The following SERPINI2 variants were observed in gnomAD, a reference collection of about 807,000 sequenced individuals.
SERPINI2 encodes serpin I2.
SERPINI2 carries 48 observed loss-of-function variants against 47.3 expected under a neutral mutation model. The ratio of observed to expected loss-of-function variants is 1.02; its 90% CI spans 0.81 to 1.29. The LOEUF is 1.29. Ranked by LOEUF, SERPINI2 falls within the 50% of genes most tolerant of loss-of-function variation. SERPINI2 has a pLI of 0.00. For missense variants in SERPINI2, 448 were observed against 456.9 expected, an observed-to-expected ratio of 0.98 and a Z score of 0.18; for synonymous variants, 135 against 149.3, an observed-to-expected ratio of 0.90 and a Z score of 0.70.
At chr3:167,459,316 C>G (rs1487330492) in intron 5 of SERPINI2, among the ~76,000 whole-genome samples, 1 of 151,870 alleles carries the variant, frequency 6.6e-6, no homozygotes, top group Non-Finnish European at 1.5e-5. Flanking sequence ...CCTCGTGATC[C>G]GCCCGCCTCA....
intron 5 of SERPINI2, 150 bp downstream of exon 5, chr3:167,465,056 T>C: frequency 1.5e-6 from 1 of 668,016 alleles, no homozygotes; most frequent in Non-Finnish European, 2.5e-6. Flanking sequence ...CCTGCTTTAG[T>C]ATCCAAAAGT....
At position 167,453,039 on chromosome 3, in the gene SERPINI2, AT is replaced by A. The variant is rs772238409; in HGVS notation, c.867-7del. 8.8e-6 allele frequency: 13 copies of A among 1,483,746 alleles called. No homozygotes were observed. The highest frequency in any genetic ancestry group is 1.2e-5 in the Non-Finnish European group (13 of 1,091,104). 91.9% of individuals were successfully genotyped at this position (1,483,746 alleles called of 1,614,324 possible). ...CTTTTTGTTCTACTTTAAATCTGTT[AT>A]TAAAAAAAAAAGAAAAAGAAAAGTC... On this transcript the variant is annotated splice_polypyrimidine_tract_variant and splice_region_variant and intron_variant, in intron 5 of 8. Transcript: ENST00000264677.
At chr3:167,443,511 A>G (rs1175080046) in intron 8 of SERPINI2, among the ~76,000 whole-genome samples, 1 of 152,226 alleles carries the variant, frequency 6.6e-6, no homozygotes, top group East Asian at 1.9e-4. Flanking sequence ...TATTTCAGAT[A>G]GATAAAGATA....
intron 5 of SERPINI2, among the ~76,000 whole-genome samples, chr3:167,462,365 C>T (rs1232489155): frequency 6.6e-6 from 1 of 152,166 alleles, no homozygotes; most frequent in Non-Finnish European, 1.5e-5. Flanking sequence ...ATCAAGATGT[C>T]AGCAGTGCTG....
chr3:167,470,550 CTTTTTTTTTTTTTTT>C (rs536884425), intron 2 of SERPINI2, among the ~76,000 whole-genome samples: 1 of 93,048 alleles, frequency 1.1e-5, no homozygotes, highest in Non-Finnish European at 1.9e-5. Flanking sequence ...TGAGCAACAA[CTTTTTTTTTTTTTTT>C]TTTTTTTTTT....
intron 5 of SERPINI2, among the ~76,000 whole-genome samples, chr3:167,461,587 T>C (rs541469225): frequency 2.0e-5 from 3 of 152,014 alleles, no homozygotes; most frequent in African/African-American, 7.2e-5. Context: ...AAAACATTGT[T>C]TTCACTGAAG....
At chr3:167,451,366 T>C (rs1749636143) in intron 6 of SERPINI2, among the ~76,000 whole-genome samples, 1 of 152,214 alleles carries the variant, frequency 6.6e-6, no homozygotes, top group African/African-American at 2.4e-5. Flanking sequence ...TAAGGTAGTG[T>C]CCCTTTCACA....
At chr3:167,457,496 T>C (rs1749829184) in intron 5 of SERPINI2, among the ~76,000 whole-genome samples, 1 of 152,236 alleles carries the variant, frequency 6.6e-6, no homozygotes, top group Non-Finnish European at 1.5e-5. Flanking sequence ...CTATTCCCAG[T>C]GAGGCTGCTC....
chr3:167,472,002 GA>G, intron 1 of SERPINI2, 158 bp from the exon 2 acceptor site: 1 of 560,570 alleles, frequency 1.8e-6, no homozygotes, highest in Non-Finnish European at 3.2e-6. Flanking sequence ...CATCTATTCA[GA>G]AAAATAGTTC....
intron 5 of SERPINI2, among the ~76,000 whole-genome samples, chr3:167,453,480 A>G (rs1749698524): frequency 6.6e-6 from 1 of 152,182 alleles, no homozygotes; most frequent in South Asian, 2.1e-4. Context: ...ATTGTTAGCT[A>G]TTAAGGAAGA....
intron 8 of SERPINI2, among the ~76,000 whole-genome samples, chr3:167,446,009 A>C (rs1482456949): frequency 6.6e-6 from 1 of 152,136 alleles, no homozygotes; most frequent in Non-Finnish European, 1.5e-5. Context: ...TTCCATCCCC[A>C]ATGTGGCATC....
intron 5 of SERPINI2, among the ~76,000 whole-genome samples, chr3:167,460,088 A>G (rs1749944276): frequency 6.6e-6 from 1 of 152,236 alleles, no homozygotes; most frequent in African/African-American, 2.4e-5. Flanking sequence ...TTTAGCCTCC[A>G]GACTGTGAGA....
At chr3:167,471,250 G>A (rs1457147336) in intron 2 of SERPINI2, among the ~76,000 whole-genome samples, 1 of 151,926 alleles carries the variant, frequency 6.6e-6, no homozygotes, top group Non-Finnish European at 1.5e-5. Context: ...GTGTATAGAT[G>A]TATATTTTAT....
At chr3:167,452,591 C>G (rs1401405223) in intron 6 of SERPINI2, among the ~76,000 whole-genome samples, 1 of 152,060 alleles carries the variant, frequency 6.6e-6, no homozygotes, top group Non-Finnish European at 1.5e-5. Flanking sequence ...GTTGTATTAG[C>G]TCTGCTTAGA....
intron 5 of SERPINI2, among the ~76,000 whole-genome samples, chr3:167,460,357 G>T (rs181064249): frequency 1.7e-3 from 254 of 152,198 alleles, no homozygotes; most frequent in South Asian, 1.9e-3. Flanking sequence ...TATTTTAAAC[G>T]GGTATTTTTC....
intron 5 of SERPINI2, among the ~76,000 whole-genome samples, chr3:167,453,659 G>T (rs866663707): frequency 2.7e-5 from 4 of 149,306 alleles, no homozygotes; most frequent in Admixed American, 6.6e-5. Flanking sequence ...ACAGGAGTGG[G>T]GGGGGGTGGG....
chr3:167,455,506 T>G (rs1749760171), intron 5 of SERPINI2, among the ~76,000 whole-genome samples: 1 of 151,636 alleles, frequency 6.6e-6, no homozygotes, highest in African/African-American at 2.4e-5. Flanking sequence ...TGTGTTATCA[T>G]CTGAAATCCC....
chr3:167,472,450 G>T (rs1161186330), intron 1 of SERPINI2, among the ~76,000 whole-genome samples: 1 of 151,846 alleles, frequency 6.6e-6, no homozygotes, highest in African/African-American at 2.4e-5. Flanking sequence ...CAGAAAACCT[G>T]CAAAGTTTGA....
chr3:167,458,245 C>A (rs1248216022), intron 5 of SERPINI2, among the ~76,000 whole-genome samples: 2 of 105,204 alleles, frequency 1.9e-5, no homozygotes, highest in South Asian at 3.2e-4. Context: ...GAATTTCTTT[C>A]TTTTTTTTTT....
Sources: allele counts gnomAD v4.1 joint callset (sites outside exome capture counted in the v4.1 genomes callset), GRCh38; gene constraint gnomAD v4.1.1; transcripts MANE v1.5; gene names NCBI Gene and HGNC (gene_info 2026-07-23, HGNC 2026-07-21).